Variants in COL18A1 observed in about 807,000 individuals in gnomAD.
COL18A1 encodes the protein collagen type XVIII alpha 1 chain.
COL18A1 carries 133 observed loss-of-function variants against 168.0 expected under a neutral mutation model. That is an observed-to-expected ratio of 0.79 (90% CI 0.69 to 0.91). The LOEUF (loss-of-function observed/expected upper bound fraction) is 0.91, where lower values mean the gene tolerates loss of function less well. COL18A1 is among the 40% of genes least tolerant of loss of function. The pLI is 0.00. For synonymous variants in COL18A1, 949 were observed against 809.0 expected (o/e 1.17, Z -2.94); for missense variants, 2,126 against 1,925.4 (o/e 1.10, Z -1.95).
intron 2 of COL18A1, among the ~76,000 whole-genome samples, chr21:45,418,844 G>A (rs1474856015): frequency 1.3e-5 from 2 of 152,182 alleles, no homozygotes; most frequent in Non-Finnish European, 1.5e-5. Flanking sequence ...TGCGAGGCGT[G>A]ATGGCCAATA....
chr21:45,492,758 G>C, intron 24 of COL18A1, 45 bp downstream of exon 24: 1 of 837,366 alleles, frequency 1.2e-6, no homozygotes, highest in Non-Finnish European at 1.7e-6. Context: ...GGCTGGGGAG[G>C]GGTCTCCACC....
At chr21:45,503,932 C>A in intron 32 of COL18A1, 79 bp from the exon 33 acceptor site, 1 of 1,524,852 alleles carries the variant, frequency 6.6e-7, no homozygotes, top group Non-Finnish European at 9.1e-7. Context: ...GGCAAACCCA[C>A]CAGTGCTGGG....
rs958831425 is a variant in COL18A1, at chr21:45,498,954, A to C, written c.2683+1293A>C. Among the ~76,000 whole-genome samples the C allele has an allele frequency of 9.9e-5, 15 of 152,116 alleles. No individual in the cohort carries two copies. Among genetic ancestry groups the C allele is most frequent in the African/African-American group, 3.6e-4 (15 of 41,416 alleles). The stretch of plus-strand genomic sequence containing the variant: ...GTGTATAGGTTTTGGTCGACGTGGG[A>C]TTGCTTGTCCCTGGGAGCCAGAACG... On this transcript the variant is annotated intron_variant, in intron 32 of 41. Transcript: ENST00000651438. The surrounding 1 kb of genome is among the most constrained non-coding windows in gnomAD (Gnocchi z 4.5).
At chr21:45,450,535 G>T (rs563722586) in intron 2 of COL18A1, among the ~76,000 whole-genome samples, 2 of 152,202 alleles carry the variant, frequency 1.3e-5, no homozygotes. Flanking sequence ...CCCTGTTCAC[G>T]TGTGGATGTT....
At chr21:45,466,906 T>G (rs79997143) in intron 2 of COL18A1, among the ~76,000 whole-genome samples, 4,437 of 152,294 alleles carry the variant, frequency 0.029, 229 homozygotes, top group African/African-American at 0.1. Flanking sequence ...CCTGATCTTA[T>G]CACAGCCCCA....
rs2036495622 is a variant in COL18A1 at position 45,495,390 on chromosome 21, G to A, written c.2466G>A (p.Glu822=). 1 of 1,611,720 alleles carries A rather than the reference G, an allele frequency of 6.2e-7. No homozygotes were observed. The highest frequency in any genetic ancestry group is 1.7e-5 in the Admixed American group (1 of 59,842). ...CCGGGATGAACGGATTGAAAGGAGA[G>A]AAAGGGGAGCCGGGAGATGCCAGCC... The part of the protein sequence containing the change: ...GRPGMNGLKG[E]KGEPGDASLG... Residue 822 remains glutamate (E), a synonymous_variant, in exon 29 of 42, where the codon GAG becomes GAA. Coordinates refer to ENST00000651438, the MANE Select transcript of COL18A1 (RefSeq NM_001379500.1).
chr21:45,478,821 G>C (rs1164568052), intron 9 of COL18A1, among the ~76,000 whole-genome samples: 1 of 152,190 alleles, frequency 6.6e-6, no homozygotes, highest in Admixed American at 6.5e-5. Flanking sequence ...AAAGACCTGG[G>C]AACAGCCTGC....
At chr21:45,446,261 C>T (rs2034503666) in intron 2 of COL18A1, among the ~76,000 whole-genome samples, 1 of 152,184 alleles carries the variant, frequency 6.6e-6, no homozygotes, top group Non-Finnish European at 1.5e-5. Flanking sequence ...TTCCAGAACC[C>T]TCAGTTCCAC....
intron 29 of COL18A1, chr21:45,495,736 A>C: frequency 2.5e-6 from 1 of 401,132 alleles, no homozygotes; most frequent in Non-Finnish European, 4.8e-6. Flanking sequence ...ACACATCCAC[A>C]CGTGCTCATG....
intron 2 of COL18A1, among the ~76,000 whole-genome samples, chr21:45,460,367 G>T (rs2035001044): frequency 6.6e-6 from 1 of 152,156 alleles, no homozygotes; most frequent in Admixed American, 6.5e-5. Flanking sequence ...ACACACGCCG[G>T]CCAAGTCGCT....
rs1248894051 is a variant in COL18A1, at chr21:45,405,419, G to A, written c.52G>A (p.Val18Met). The change falls in exon 2 of 42, where the codon GTG (valine) becomes ATG (methionine). Residue 18 changes from valine to methionine, a missense_variant. By Grantham distance (21) the Val-to-Met change is conservative. Transcript: ENST00000651438. Reference protein sequence around the residue: ...PWPRRRRLLDVLAPLVLLLGV... With the variant: ...PWPRRRRLLDMLAPLVLLLGV... ...GCCGCGGCGGCGGCGCCTCCTGGAC[G>A]TGCTCGCGCCCCTGGTCCTGCTGCT... 1 of 1,359,966 alleles carries A rather than the reference G, an allele frequency of 7.4e-7. No homozygotes were observed. 84.2% of individuals were successfully genotyped at this position (1,359,966 alleles called of 1,614,324 possible). A position where few individuals can be genotyped will look rare whatever the true frequency, so the allele number is the denominator to read the frequency against.
chr21:45,428,657 CT>C, intron 2 of COL18A1, among the ~76,000 whole-genome samples: 1 of 152,180 alleles, frequency 6.6e-6, no homozygotes, highest in Non-Finnish European at 1.5e-5. Context: ...TGCGAGTCCA[CT>C]TTCCACCTCT....
chr21:45,452,493 ATGTG>A (rs1175249492), intron 2 of COL18A1, among the ~76,000 whole-genome samples: 1 of 149,094 alleles, frequency 6.7e-6, no homozygotes. Context: ...TTCTGTATGC[ATGTG>A]TGTATTCACG....
chr21:45,411,778 A>AGGGGGGGGGTGGGGGGG (rs1569273645), intron 2 of COL18A1, among the ~76,000 whole-genome samples: 1 of 108,300 alleles, frequency 9.2e-6, no homozygotes, highest in East Asian at 7.7e-4. Flanking sequence ...GGGGGGGGGC[A>AGGGGGGGGGTGGGGGGG]GGCTGTGGTC....
chr21:45,479,778 C>G (rs1431407265), intron 9 of COL18A1, 124 bp from the exon 10 acceptor site: 11 of 1,406,908 alleles, frequency 7.8e-6, no homozygotes, highest in South Asian at 1.2e-5. Flanking sequence ...TTTCCGGGCC[C>G]CAGAGACTCC....
At chr21:45,472,150 G>T (rs2035455352) in intron 3 of COL18A1, among the ~76,000 whole-genome samples, 1 of 152,120 alleles carries the variant, frequency 6.6e-6, no homozygotes, top group Admixed American at 6.5e-5. Flanking sequence ...GGAATGCCCA[G>T]TCCCTCCCCG....
At chr21:45,466,289 T>C (rs1234124718) in intron 2 of COL18A1, among the ~76,000 whole-genome samples, 2 of 152,176 alleles carry the variant, frequency 1.3e-5, no homozygotes, top group Non-Finnish European at 2.9e-5. Flanking sequence ...CTGTCTGTCC[T>C]GGGCATATTT....
At chr21:45,470,151 C>T (rs1233734846) in intron 3 of COL18A1, among the ~76,000 whole-genome samples, 2 of 152,268 alleles carry the variant, frequency 1.3e-5, no homozygotes, top group African/African-American at 4.8e-5. Flanking sequence ...CGGTGAGGGC[C>T]TCCTCATCAG....
chr21:45,421,662 G>A (rs772233468), intron 2 of COL18A1: 16 of 500,542 alleles, frequency 3.2e-5, no homozygotes, highest in African/African-American at 2.3e-4. Flanking sequence ...AGGTTGCCAG[G>A]AAGGAAGCTC....
Sources: allele counts gnomAD v4.1 joint callset (sites outside exome capture counted in the v4.1 genomes callset), GRCh38; gene constraint gnomAD v4.1.1; non-coding constraint Gnocchi (gnomAD v3.1); transcripts MANE v1.5; gene names NCBI Gene and HGNC (gene_info 2026-07-23, HGNC 2026-07-21).